STARD13: variants seen among roughly 807,000 people sequenced by gnomAD.
STARD13 encodes the protein stAR-related lipid transfer protein 13.
Under a neutral mutation model 106.4 loss-of-function variants are expected in STARD13, and 62 were observed. The ratio of observed to expected loss-of-function variants is 0.58; its 90% CI spans 0.48 to 0.72. The LOEUF is 0.72. STARD13 is among the 30% of genes least tolerant of loss of function. The probability of loss-of-function intolerance (pLI) is 0.00; values close to 1 mark genes in which losing one functional copy is unlikely to be tolerated. For synonymous variants in STARD13, 565 were observed against 553.0 expected (o/e 1.02, Z -0.31); for missense variants, 1,387 against 1,424.0 (o/e 0.97, Z 0.42).
At chr13:33,123,757 T>A (rs1876719852) in intron 7 of STARD13, among the ~76,000 whole-genome samples, 1 of 152,164 alleles carries the variant, frequency 6.6e-6, no homozygotes, top group African/African-American at 2.4e-5. Flanking sequence ...TGGCAATGTG[T>A]CAGGCTCTGT....
Position 33,285,498 on chromosome 13 carries a change from G to A in STARD13, c.141C>T (p.Arg47=), listed in dbSNP as rs190904357. ...SPYRMSRILA[R]HQLVTKIQQE... The stretch of plus-strand genomic sequence containing the variant: ...GTTGAATTTTAGTCACTAGCTGATG[G>A]CGTGCTAGAATCCGGCTCATCCTGT... Residue 47 remains arginine (R), a synonymous_variant, in exon 1 of 14, where the codon CGC becomes CGT. Transcript: ENST00000336934. 2.5e-6 allele frequency: 4 copies of A among 1,613,954 alleles called. No homozygotes were observed. The highest frequency in any genetic ancestry group is 2.7e-5 in the African/African-American group (2 of 75,036).
chr13:33,400,544 C>G, the STARD13 span, among the ~76,000 whole-genome samples: 7 of 151,944 alleles, frequency 4.6e-5, no homozygotes, highest in African/African-American at 1.7e-4. Context: ...TCACTGTAAC[C>G]TCCACTCCCA....
chr13:33,368,639 T>C, the STARD13 span, among the ~76,000 whole-genome samples: 2 of 152,102 alleles, frequency 1.3e-5, no homozygotes, highest in South Asian at 2.1e-4. Flanking sequence ...GTGCTGGAGA[T>C]AGCAACATAG....
chr13:33,613,200 A>G, the STARD13 span, among the ~76,000 whole-genome samples: 19 of 152,220 alleles, frequency 1.2e-4, no homozygotes, highest in Non-Finnish European at 2.2e-4. Context: ...CACATATATC[A>G]CAACACCCAC....
chr13:33,161,818 G>A (rs990370580), intron 3 of STARD13, among the ~76,000 whole-genome samples: 5 of 152,176 alleles, frequency 3.3e-5, no homozygotes, highest in African/African-American at 4.8e-5. Flanking sequence ...GTGTGGGAAG[G>A]CCTCAGGATC....
chr13:33,252,421 G>A (rs1890133680), intron 1 of STARD13, among the ~76,000 whole-genome samples: 2 of 152,210 alleles, frequency 1.3e-5, no homozygotes, highest in Admixed American at 6.5e-5. Flanking sequence ...TCTAACCACA[G>A]TGAGTGACGG....
chr13:33,532,593 C>T, the STARD13 span, among the ~76,000 whole-genome samples: 1 of 152,102 alleles, frequency 6.6e-6, no homozygotes, highest in Admixed American at 6.5e-5. Context: ...AGTCTGAAAA[C>T]ATTCTGTTTA....
chr13:33,617,590 C>A, the STARD13 span, among the ~76,000 whole-genome samples: 2 of 152,124 alleles, frequency 1.3e-5, no homozygotes, highest in South Asian at 4.1e-4. Flanking sequence ...ATCATTTTTT[C>A]TTTAACCCAA....
intron 3 of STARD13, among the ~76,000 whole-genome samples, chr13:33,149,229 A>G (rs570699290): frequency 8.7e-4 from 132 of 152,218 alleles, no homozygotes; most frequent in African/African-American, 3.0e-3. Context: ...ATGTAGGTTC[A>G]TTGATTCTAG....
chr13:33,191,484 T>G (rs1886254070), intron 1 of STARD13, among the ~76,000 whole-genome samples: 1 of 152,172 alleles, frequency 6.6e-6, no homozygotes, highest in African/African-American at 2.4e-5. Context: ...TTAATGTCTC[T>G]TTGGAAAAAT....
chr13:33,455,582 G>T, the STARD13 span, among the ~76,000 whole-genome samples: 15 of 152,094 alleles, frequency 9.9e-5, no homozygotes, highest in East Asian at 2.7e-3. Flanking sequence ...CTGGCTCATT[G>T]CTTATTTTTG....
At chr13:33,609,317 G>T in the STARD13 span, among the ~76,000 whole-genome samples, 1 of 151,874 alleles carries the variant, frequency 6.6e-6, no homozygotes, top group South Asian at 2.1e-4. Context: ...AGCTCAAATG[G>T]ACAACAGCAT....
the STARD13 span, among the ~76,000 whole-genome samples, chr13:33,499,600 C>CT: frequency 2.2e-3 from 142 of 65,596 alleles, no homozygotes; most frequent in East Asian, 3.8e-3. Flanking sequence ...TCTTCTTCTT[C>CT]TTCTTTCTTC....
upstream of STARD13, among the ~76,000 whole-genome samples, chr13:33,286,539 T>G (rs1892067516): frequency 1.3e-5 from 2 of 152,192 alleles, no homozygotes; most frequent in African/African-American, 4.8e-5. Context: ...TCAAAGATAC[T>G]GTCATCAACC....
the STARD13 span, among the ~76,000 whole-genome samples, chr13:33,499,580 TTC>T: frequency 5.0e-4 from 35 of 70,078 alleles, no homozygotes; most frequent in Middle Eastern, 6.6e-3. Context: ...CTTCTTCTTC[TTC>T]TTCTTCTTCT....
At chr13:33,541,235 A>C in the STARD13 span, among the ~76,000 whole-genome samples, 3 of 152,218 alleles carry the variant, frequency 2.0e-5, no homozygotes, top group Non-Finnish European at 2.9e-5. Context: ...TGATGAAATA[A>C]ACTGATTCCA....
chr13:33,305,768 T>G (rs1424998044), intron 1 of STARD13, among the ~76,000 whole-genome samples: 1 of 152,298 alleles, frequency 6.6e-6, no homozygotes, highest in East Asian at 1.9e-4. Context: ...TACTAAAGTC[T>G]GAGATATGTG....
intron 4 of STARD13, among the ~76,000 whole-genome samples, chr13:33,131,373 T>C (rs1878263007): frequency 6.6e-6 from 1 of 152,190 alleles, no homozygotes. Context: ...GGAGAAACCC[T>C]GTCTCCAGCA....
At chr13:33,210,793 T>A (rs144135467) in intron 1 of STARD13, among the ~76,000 whole-genome samples, 2 of 152,342 alleles carry the variant, frequency 1.3e-5, no homozygotes, top group East Asian at 3.9e-4. Flanking sequence ...ATCCTGCAGA[T>A]GCTGCTAGCA....
Sources: gnomAD v4.1 joint callset for allele counts (sites outside exome capture counted in the v4.1 genomes callset) on GRCh38, gnomAD v4.1.1 for gene constraint, MANE v1.5 for transcripts, NCBI Gene and HGNC (gene_info 2026-07-23, HGNC 2026-07-21) for gene names.